FILIP1: variants seen among roughly 807,000 people sequenced by gnomAD.
The protein encoded by FILIP1 is filamin A interacting protein 1.
In FILIP1, 61 loss-of-function variants were observed where a neutral mutation model predicts 102.1. That is an observed-to-expected ratio of 0.60 (90% confidence interval 0.49 to 0.74). The LOEUF is 0.74. Among genes scored for constraint, FILIP1 ranks in the 30% least tolerant of loss-of-function variants. The pLI, the probability that FILIP1 is intolerant of heterozygous loss-of-function variation, is 0.00. For missense variants in FILIP1, 1,314 were observed against 1,441.2 expected (o/e 0.91, Z 1.43); for synonymous variants, 491 against 526.9 (o/e 0.93, Z 0.93).
chr6:75,451,847 A>G (rs1778645372), intron 1 of FILIP1, among the ~76,000 whole-genome samples: 1 of 152,180 alleles, frequency 6.6e-6, no homozygotes, highest in South Asian at 2.1e-4. Context: ...AAAAATTTAA[A>G]AAAAAGAAAT....
intron 1 of FILIP1, among the ~76,000 whole-genome samples, chr6:75,423,170 T>A (rs1005463724): frequency 4.6e-5 from 7 of 152,148 alleles, no homozygotes; most frequent in Admixed American, 4.6e-4. Flanking sequence ...GCTGAAGAAC[T>A]CAACGTCTAC....
intron 1 of FILIP1, among the ~76,000 whole-genome samples, chr6:75,468,571 A>G (rs886427826): frequency 6.6e-6 from 1 of 152,266 alleles, no homozygotes; most frequent in Non-Finnish European, 1.5e-5. Context: ...CATTTCTTGC[A>G]GAATGCAATA....
chr6:75,424,824 A>T (rs1052160380), intron 1 of FILIP1, among the ~76,000 whole-genome samples: 1 of 152,182 alleles, frequency 6.6e-6, no homozygotes, highest in Non-Finnish European at 1.5e-5. Context: ...AAGAAAAAAA[A>T]TTAAATACAG....
intron 1 of FILIP1, among the ~76,000 whole-genome samples, chr6:75,415,480 C>T (rs1582471059): frequency 7.4e-6 from 1 of 135,408 alleles, no homozygotes; most frequent in Non-Finnish European, 1.6e-5. Context: ...ATTTATTTAT[C>T]AGAAAAATCA....
At chr6:75,365,269 T>C (rs1029788722) in intron 2 of FILIP1, among the ~76,000 whole-genome samples, 1 of 152,104 alleles carries the variant, frequency 6.6e-6, no homozygotes, top group African/African-American at 2.4e-5. Flanking sequence ...TAAATTGAGA[T>C]ACTGATTACA....
chr6:75,488,386 T>C (rs1779856348), intron 1 of FILIP1, among the ~76,000 whole-genome samples: 1 of 152,084 alleles, frequency 6.6e-6, no homozygotes, highest in Non-Finnish European at 1.5e-5. Context: ...GAAAGCTATA[T>C]TCTGCCTGTA....
intron 2 of FILIP1, among the ~76,000 whole-genome samples, chr6:75,407,083 T>C (rs1362865086): frequency 6.6e-6 from 1 of 152,164 alleles, no homozygotes; most frequent in African/African-American, 2.4e-5. Context: ...TCACCTATAG[T>C]AGGTGATGAA....
At chr6:75,437,722 ACATGTTTGAG>A (rs111740755) in intron 1 of FILIP1, among the ~76,000 whole-genome samples, 2 of 152,338 alleles carry the variant, frequency 1.3e-5, no homozygotes, top group African/African-American at 4.8e-5. Context: ...TCTGCTGAGA[ACATGTTTGAG>A]CTGGGGAGGA....
chr6:75,469,455 A>G (rs1169995369), intron 1 of FILIP1, among the ~76,000 whole-genome samples: 1 of 151,766 alleles, frequency 6.6e-6, no homozygotes, highest in Non-Finnish European at 1.5e-5. Flanking sequence ...ATTCAAATAT[A>G]CTCCCCTCTC....
intron 1 of FILIP1, among the ~76,000 whole-genome samples, chr6:75,474,687 A>G (rs1385741804): frequency 2.0e-5 from 3 of 152,132 alleles, no homozygotes; most frequent in African/African-American, 7.2e-5. Context: ...CTCATTAGGT[A>G]TTTAAAGAAG....
intron 1 of FILIP1, 86 bp from the exon 2 acceptor site, chr6:75,415,064 CT>C: frequency 7.9e-7 from 1 of 1,258,592 alleles, no homozygotes; most frequent in Non-Finnish European, 1.1e-6. Flanking sequence ...CTTATAGCAG[CT>C]TTACCACATC....
chr6:75,329,925 A>C (rs906403452), intron 4 of FILIP1, among the ~76,000 whole-genome samples: 1 of 152,148 alleles, frequency 6.6e-6, no homozygotes, highest in Non-Finnish European at 1.5e-5. Flanking sequence ...CCAATGATCC[A>C]ATTATAGAAT....
At chr6:75,331,576 T>G (rs1774084022) in intron 4 of FILIP1, among the ~76,000 whole-genome samples, 1 of 152,174 alleles carries the variant, frequency 6.6e-6, no homozygotes, top group African/African-American at 2.4e-5. Flanking sequence ...GGGACATGGA[T>G]GGAGGAAGTA....
chr6:75,377,285 T>G (rs1176749995), intron 2 of FILIP1, among the ~76,000 whole-genome samples: 2 of 152,236 alleles, frequency 1.3e-5, no homozygotes, highest in Admixed American at 6.5e-5. Flanking sequence ...TGTGATTTGT[T>G]AACTGCTTTT....
chr6:75,331,024 G>C (rs567198727), intron 4 of FILIP1, among the ~76,000 whole-genome samples: 3 of 152,108 alleles, frequency 2.0e-5, no homozygotes, highest in African/African-American at 7.2e-5. Context: ...CAAATTATAC[G>C]TCTTGGAGAT....
chr6:75,440,109 G>A (rs998284864), intron 1 of FILIP1, among the ~76,000 whole-genome samples: 3 of 152,110 alleles, frequency 2.0e-5, no homozygotes, highest in South Asian at 2.1e-4. Context: ...ACATAAATAA[G>A]ATAGGAAAAT....
intron 1 of FILIP1, among the ~76,000 whole-genome samples, chr6:75,469,496 T>C (rs183578730): frequency 6.6e-6 from 1 of 152,108 alleles, no homozygotes; most frequent in Non-Finnish European, 1.5e-5. Context: ...CAGAATTTCA[T>C]AGGCAACTCT....
At chr6:75,453,994 G>C (rs984051518) in intron 1 of FILIP1, 7 of 456,514 alleles carry the variant, frequency 1.5e-5, no homozygotes, top group South Asian at 4.6e-5. Flanking sequence ...TAAATTTCAA[G>C]GCTTAAAACA....
At chr6:75,477,469 C>T (rs1450607209) in intron 1 of FILIP1, among the ~76,000 whole-genome samples, 4 of 151,838 alleles carry the variant, frequency 2.6e-5, no homozygotes, top group African/African-American at 4.8e-5. Context: ...ATTAATTAGC[C>T]TGATTTAATC....
Sources: gnomAD v4.1 joint callset for allele counts (sites outside exome capture counted in the v4.1 genomes callset) on GRCh38, gnomAD v4.1.1 for gene constraint, MANE v1.5 for transcripts, NCBI Gene and HGNC (gene_info 2026-07-23, HGNC 2026-07-21) for gene names.